Variants in DAAM2 observed in about 807,000 individuals in gnomAD.
The protein encoded by DAAM2 is dishevelled associated activator of morphogenesis 2.
In DAAM2, 39 loss-of-function variants were observed where a neutral mutation model predicts 120.7. That is an observed-to-expected ratio of 0.32 (90% confidence interval 0.25 to 0.42). The LOEUF is 0.42. DAAM2 is among the 10% of genes least tolerant of loss of function. The pLI, the probability that DAAM2 is intolerant of heterozygous loss-of-function variation, is 1.00. For synonymous variants in DAAM2, 488 were observed against 524.9 expected, an observed-to-expected ratio of 0.93 and a Z score of 0.96; for missense variants, 1,283 against 1,401.7, an observed-to-expected ratio of 0.92 and a Z score of 1.35.
intron 5 of DAAM2, among the ~76,000 whole-genome samples, chr6:39,865,759 A>G (rs1004620180): frequency 6.6e-6 from 1 of 152,242 alleles, no homozygotes; most frequent in Admixed American, 6.5e-5. Flanking sequence ...TAAAATTTCA[A>G]TTGTATAAAT....
intron 1 of DAAM2, among the ~76,000 whole-genome samples, chr6:39,814,948 T>C (rs1443541497): frequency 6.6e-6 from 1 of 152,236 alleles, no homozygotes; most frequent in African/African-American, 2.4e-5. Flanking sequence ...TGTGACCAGA[T>C]GTCACCCGAG....
intron 2 of DAAM2, among the ~76,000 whole-genome samples, 161 bp downstream of exon 2, chr6:39,856,631 C>G (rs1764017328): frequency 6.6e-6 from 1 of 152,174 alleles, no homozygotes; most frequent in African/African-American, 2.4e-5. Flanking sequence ...GTTGGGGAAC[C>G]AGAGTCTCTC....
At chr6:39,840,734 C>T (rs1763291987) in intron 1 of DAAM2, among the ~76,000 whole-genome samples, 1 of 152,278 alleles carries the variant, frequency 6.6e-6, no homozygotes, top group South Asian at 2.1e-4. Flanking sequence ...AAGCCCTGGT[C>T]TATCTACTAT....
rs3008816 is a variant in DAAM2 at position 39,904,464 on chromosome 6, C to G, written c.*2427C>G. 0.076 allele frequency: 34,499 copies of G among 454,542 alleles called. 1,685 individuals carry two copies. Among genetic ancestry groups the G allele is most frequent in the Middle Eastern group, 0.12 (175 of 1,472 alleles). The allele number at this position is 454,542 out of a possible 1,614,324, so 28.2% of individuals were successfully genotyped here. A position where few individuals can be genotyped will look rare whatever the true frequency, so the allele number is the denominator to read the frequency against. On this transcript the variant is annotated 3_prime_UTR_variant, in exon 25 of 25. Coordinates refer to ENST00000274867, the MANE Select transcript of DAAM2 (RefSeq NM_001201427.2). Reference sequence around the variant, plus strand: ...TGGTCTTGCTTTCTTCATGCCCTCCCCACTGCTCCTGCCACCTTTAGATAA... The same window carrying G: ...TGGTCTTGCTTTCTTCATGCCCTCCGCACTGCTCCTGCCACCTTTAGATAA...
At chr6:39,900,872 T>C (rs965728145) in intron 23 of DAAM2, among the ~76,000 whole-genome samples, 1 of 152,162 alleles carries the variant, frequency 6.6e-6, no homozygotes, top group African/African-American at 2.4e-5. Flanking sequence ...CACCAACTCA[T>C]CTAACCCCCC....
intron 14 of DAAM2, chr6:39,883,694 C>T (rs1040809369): frequency 4.8e-6 from 2 of 414,994 alleles, no homozygotes; most frequent in Non-Finnish European, 8.7e-6. Flanking sequence ...TACCCATCCC[C>T]CCAGCACCCC....
At chr6:39,880,154 C>T (rs1765056427) in intron 14 of DAAM2, 1 of 153,484 alleles carries the variant, frequency 6.5e-6, no homozygotes, top group African/African-American at 2.4e-5. Context: ...ATGGCAAGTC[C>T]TATTAGGAGG....
At chr6:39,876,148 T>C (rs1219453154) in intron 11 of DAAM2, among the ~76,000 whole-genome samples, 1 of 152,272 alleles carries the variant, frequency 6.6e-6, no homozygotes, top group Non-Finnish European at 1.5e-5. Context: ...TTTATTGATC[T>C]TGGATAGAGA....
chr6:39,871,562 G>A lies in DAAM2; in HGVS notation c.1034G>A (p.Arg345Lys), dbSNP rs1206532110. The change falls in exon 9 of 25, where the codon AGG becomes AAG. Residue 345 changes from arginine to lysine, a missense_variant. Arg to Lys is a conservative substitution (Grantham distance 26). Coordinates refer to ENST00000274867, the MANE Select transcript of DAAM2 (RefSeq NM_001201427.2). ...RNEDDLELAR[R>K]FDMVHIDTKS... ...GAGGATGACCTGGAGCTAGCCAGGAGGTTTGACATGGTGAGGAGCCAGCAG... is the reference window on the plus strand; with the variant it reads ...GAGGATGACCTGGAGCTAGCCAGGAAGTTTGACATGGTGAGGAGCCAGCAG... 6.4e-7 allele frequency: 1 copy of A among 1,550,526 alleles called. No individual in the cohort carries two copies. Among genetic ancestry groups the A allele is most frequent in the East Asian group, 2.4e-5 (1 of 40,900 alleles).
intron 1 of DAAM2, 32 bp downstream of exon 1, chr6:39,792,497 T>C (rs1761576554): frequency 6.6e-6 from 1 of 152,098 alleles, no homozygotes; most frequent in Non-Finnish European, 1.5e-5. Flanking sequence ...GCTCCCCGTC[T>C]TGGGGCCCGG....
At chr6:39,797,172 C>T (rs1048978673) in intron 1 of DAAM2, among the ~76,000 whole-genome samples, 2 of 152,176 alleles carry the variant, frequency 1.3e-5, no homozygotes, top group Admixed American at 1.3e-4. Flanking sequence ...CTAGCTCACT[C>T]ACCCATGAAT....
chr6:39,901,633 T>C lies in DAAM2; in HGVS notation c.2982+161T>C, dbSNP rs1766491852. On this transcript the variant is annotated intron_variant, in intron 24 of 24. Transcript: ENST00000274867. This position sits in a 1 kb window ranked among gnomAD's most constrained non-coding sequence, Gnocchi z 4.5. ...AGGAGAGAGAAACTTCTTCCCAGCC[T>C]GAGGGAAGAGAGTGGTGTGAAGCTG... 6.6e-6 allele frequency among the ~76,000 whole-genome samples: 1 copy of C among 152,018 alleles called. No individual in the cohort carries two copies. The highest frequency in any genetic ancestry group is 1.5e-5 in the Non-Finnish European group (1 of 68,002).
intron 22 of DAAM2, 82 bp downstream of exon 22, chr6:39,899,019 AGGGGC>A: frequency 5.1e-6 from 6 of 1,179,548 alleles, no homozygotes; most frequent in Admixed American, 2.2e-5. Context: ...GCTCCTACAC[AGGGGC>A]AAAAAACAAT....
intron 11 of DAAM2, among the ~76,000 whole-genome samples, chr6:39,876,962 A>G (rs1206414504): frequency 6.6e-6 from 1 of 152,186 alleles, no homozygotes; most frequent in African/African-American, 2.4e-5. Context: ...GCATATGGGT[A>G]AAGACGTCAG....
chr6:39,896,796 G>A lies in DAAM2; in HGVS notation c.2342-16G>A, dbSNP rs1049268979. 3 of 1,575,994 alleles carry A rather than the reference G, an allele frequency of 1.9e-6. No homozygotes were observed. The highest frequency in any genetic ancestry group is 2.6e-6 in the Non-Finnish European group (3 of 1,160,224). Reference sequence around the variant, plus strand: ...CCTAGCCCATGCAGGCCTCTGACCTGTGCCTCCTCTCCCAGCCATCCTGTT... The same window carrying A: ...CCTAGCCCATGCAGGCCTCTGACCTATGCCTCCTCTCCCAGCCATCCTGTT... On this transcript the variant is annotated splice_polypyrimidine_tract_variant and intron_variant, in intron 19 of 24. Coordinates refer to ENST00000274867, the MANE Select transcript of DAAM2 (RefSeq NM_001201427.2).
intron 1 of DAAM2, among the ~76,000 whole-genome samples, chr6:39,826,972 G>T (rs1762696515): frequency 6.6e-6 from 1 of 152,234 alleles, no homozygotes; most frequent in South Asian, 2.1e-4. Context: ...AGGCGGTGTA[G>T]CTTGGATCCT....
intron 1 of DAAM2, among the ~76,000 whole-genome samples, chr6:39,837,825 TAC>T (rs1401280836): frequency 3.9e-5 from 6 of 152,194 alleles, no homozygotes; most frequent in Admixed American, 3.3e-4. Context: ...CCATATATTT[TAC>T]AGAGTTATTG....
At chr6:39,839,234 A>G (rs986997416) in intron 1 of DAAM2, among the ~76,000 whole-genome samples, 2 of 152,198 alleles carry the variant, frequency 1.3e-5, no homozygotes, top group Non-Finnish European at 2.9e-5. Context: ...TTCTGGCGAA[A>G]AAAGAGGAAA....
intron 1 of DAAM2, among the ~76,000 whole-genome samples, chr6:39,816,183 C>T (rs909555226): frequency 6.6e-6 from 1 of 152,242 alleles, no homozygotes; most frequent in African/African-American, 2.4e-5. Context: ...ATCCAGGAGT[C>T]TGGGGCAGAG....
Sources: gnomAD v4.1 joint callset for allele counts (sites outside exome capture counted in the v4.1 genomes callset) on GRCh38, gnomAD v4.1.1 for gene constraint, Gnocchi (gnomAD v3.1) non-coding constraint, MANE v1.5 for transcripts, NCBI Gene and HGNC (gene_info 2026-07-23, HGNC 2026-07-21) for gene names.